The following CCDC171 variants were observed in gnomAD, a reference collection of about 807,000 sequenced individuals.
The protein encoded by CCDC171 is coiled-coil domain containing 171, also known as coiled-coil domain-containing protein 171.
In CCDC171, 177 loss-of-function variants were observed where a neutral mutation model predicts 168.2. The observed-to-expected ratio is 1.05, with a 90% CI of 0.93 to 1.19. The LOEUF (loss-of-function observed/expected upper bound fraction) is 1.19. Ranked by LOEUF, CCDC171 falls within the 50% of genes most tolerant of loss-of-function variation. The pLI is 0.00. For synonymous variants in CCDC171, 687 were observed against 540.8 expected (o/e 1.27, Z -3.75); for missense variants, 1,991 against 1,539.0 (o/e 1.29, Z -4.91).
intron 21 of CCDC171, among the ~76,000 whole-genome samples, chr9:15,812,651 A>T (rs185459624): frequency 6.6e-6 from 1 of 152,194 alleles, no homozygotes; most frequent in East Asian, 1.9e-4. Flanking sequence ...GCAAGCGACT[A>T]TGGAGAGCAG....
rs1491178873 is a variant in CCDC171 at position 15,830,969 on chromosome 9, T to TA, written c.3268-15733_3268-15732insA. 7.4e-4 allele frequency among the ~76,000 whole-genome samples: 5 copies of TA among 6,756 alleles called. No homozygotes were observed. The Non-Finnish European group carries it at 0.011, about 15-fold the overall frequency. 4.4% of individuals were successfully genotyped at this position (6,756 alleles called of 152,430 possible). ...CTCTTTTCTTATGGCCATATCTTAA[T>TA]TTTTTTTTTTTTTTTTTTGAGATGG... On this transcript the variant is annotated intron_variant, in intron 21 of 25. Coordinates refer to ENST00000380701, the MANE Select transcript of CCDC171 (RefSeq NM_173550.4).
intron 3 of CCDC171, among the ~76,000 whole-genome samples, chr9:15,984,997 T>C (rs1249787376): frequency 2.0e-5 from 3 of 152,180 alleles, no homozygotes; most frequent in Admixed American, 6.5e-5. Flanking sequence ...TTGGTACATA[T>C]ATGAGAGAAA....
chr9:16,031,988 A>C (rs112511580), intron 6 of CCDC171, among the ~76,000 whole-genome samples: 2,162 of 152,312 alleles, frequency 0.014, 48 homozygotes, highest in African/African-American at 0.048. Flanking sequence ...GTGCTGCTCA[A>C]CTCACAAAAT....
intron 9 of CCDC171, 50 bp from the exon 10 acceptor site, chr9:15,678,708 G>C: frequency 6.7e-7 from 1 of 1,492,360 alleles, no homozygotes; most frequent in Non-Finnish European, 9.0e-7. Flanking sequence ...TGTAATATCA[G>C]TTGATGTAAG....
At chr9:15,829,840 A>C (rs998661528) in intron 21 of CCDC171, among the ~76,000 whole-genome samples, 36 of 152,306 alleles carry the variant, frequency 2.4e-4, no homozygotes, top group Admixed American at 2.1e-3. Flanking sequence ...GGATCACCTG[A>C]GTCCAGTAGA....
At chr9:15,627,503 G>C (rs917834395) in intron 7 of CCDC171, among the ~76,000 whole-genome samples, 3 of 152,104 alleles carry the variant, frequency 2.0e-5, no homozygotes, top group Admixed American at 6.6e-5. Flanking sequence ...GTCCCAGAGA[G>C]TCTGGTATGT....
chr9:15,812,406 C>G (rs934312063), intron 21 of CCDC171, among the ~76,000 whole-genome samples: 1 of 152,162 alleles, frequency 6.6e-6, no homozygotes, highest in Non-Finnish European at 1.5e-5. Flanking sequence ...TGGTTGGAAG[C>G]AAACAGATTG....
chr9:15,814,457 A>G (rs2382553), intron 21 of CCDC171, among the ~76,000 whole-genome samples: 65,592 of 151,984 alleles, frequency 0.43, 14,352 homozygotes, highest in Middle Eastern at 0.47. Context: ...TTAGCAAACA[A>G]TGGGAATAGT....
the CCDC171 span, among the ~76,000 whole-genome samples, chr9:16,073,021 C>T: frequency 6.6e-6 from 1 of 152,326 alleles, no homozygotes; most frequent in East Asian, 1.9e-4. Flanking sequence ...AGTTGCTTTA[C>T]CTCTCTAAGC....
chr9:16,075,957 C>G, the CCDC171 span, among the ~76,000 whole-genome samples: 5 of 152,278 alleles, frequency 3.3e-5, no homozygotes, highest in African/African-American at 1.2e-4. Context: ...ATGAAACTTT[C>G]ATGTATATGT....
chr9:15,810,630 G>A (rs960147230), intron 21 of CCDC171, among the ~76,000 whole-genome samples: 10 of 152,206 alleles, frequency 6.6e-5, no homozygotes, highest in Admixed American at 2.0e-4. Context: ...TGCACCCTCC[G>A]CAGCTGCTGG....
intron 25 of CCDC171, among the ~76,000 whole-genome samples, chr9:15,934,908 A>C (rs1826940732): frequency 1.3e-5 from 2 of 152,106 alleles, no homozygotes; most frequent in African/African-American, 4.8e-5. Flanking sequence ...CAGACACAAA[A>C]GGCCACATTT....
At chr9:15,702,402 T>G (rs1253824386) in intron 11 of CCDC171, among the ~76,000 whole-genome samples, 1 of 151,904 alleles carries the variant, frequency 6.6e-6, no homozygotes, top group Non-Finnish European at 1.5e-5. Flanking sequence ...CCTAGGGCCC[T>G]TAAGAATTAT....
At chr9:15,598,834 T>G (rs976940989) in intron 6 of CCDC171, among the ~76,000 whole-genome samples, 27 of 152,194 alleles carry the variant, frequency 1.8e-4, no homozygotes, top group Non-Finnish European at 3.4e-4. Context: ...TGGGTGCTCC[T>G]GTATTGGGTG....
intron 21 of CCDC171, among the ~76,000 whole-genome samples, chr9:15,832,937 C>T (rs9407657): frequency 0.43 from 64,815 of 149,080 alleles, 14,264 homozygotes; most frequent in Middle Eastern, 0.47. Flanking sequence ...TCAGGATCAT[C>T]AAGATATTAG....
intron 11 of CCDC171, among the ~76,000 whole-genome samples, chr9:15,704,789 T>C (rs10738405): frequency 0.49 from 74,845 of 151,866 alleles, 18,887 homozygotes; most frequent in East Asian, 0.78. Flanking sequence ...CAGAAGTTAT[T>C]TACCGAGAGG....
the CCDC171 span, among the ~76,000 whole-genome samples, chr9:16,078,906 AGAATGCT>A: frequency 1.3e-5 from 2 of 152,204 alleles, no homozygotes; most frequent in African/African-American, 2.4e-5. Flanking sequence ...TGGAGCAGAA[AGAATGCT>A]GAATCAGGAA....
rs1208252727 is a variant in CCDC171, at chr9:15,636,021, G to A, written c.822+12608G>A. Reference sequence around the variant, plus strand: ...TGGTACCTTATTGTGGTTTTGATTTGCATTTCTCTGATGATTGATGATGTT... The same window carrying A: ...TGGTACCTTATTGTGGTTTTGATTTACATTTCTCTGATGATTGATGATGTT... On this transcript the variant is annotated intron_variant, in intron 7 of 25. Transcript: ENST00000380701. Among the ~76,000 whole-genome samples the A allele has an allele frequency of 2.0e-5, 3 of 152,178 alleles. No individual in the cohort carries two copies. In the South Asian group the frequency reaches 6.2e-4, roughly 32 times the overall value.
upstream of CCDC171, among the ~76,000 whole-genome samples, chr9:16,039,117 T>A (rs1226456851): frequency 6.6e-6 from 1 of 152,184 alleles, no homozygotes; most frequent in African/African-American, 2.4e-5. Flanking sequence ...ACAAGTCATT[T>A]TGGGAATGAT....
Sources: gnomAD v4.1 joint callset for allele counts (sites outside exome capture counted in the v4.1 genomes callset) on GRCh38, gnomAD v4.1.1 for gene constraint, MANE v1.5 for transcripts, NCBI Gene and HGNC (gene_info 2026-07-23, HGNC 2026-07-21) for gene names.